Variants in GNAT3 observed in about 807,000 individuals in gnomAD.
The protein encoded by GNAT3 is G protein subunit alpha transducin 3, also known as guanine nucleotide-binding protein G(t) subunit alpha-3.
GNAT3 carries 31 observed loss-of-function variants against 37.7 expected under a neutral mutation model. The ratio of observed to expected loss-of-function variants is 0.82; its 90% CI spans 0.62 to 1.11. GNAT3 has a LOEUF of 1.11. Ranked by LOEUF, GNAT3 falls within the 50% of genes most tolerant of loss-of-function variation. The pLI is 0.00. For synonymous variants in GNAT3, 138 were observed against 139.8 expected (o/e 0.99, Z 0.09); for missense variants, 437 against 412.5 (o/e 1.06, Z -0.51).
At chr7:80,491,912 C>T (rs183054348) in intron 2 of GNAT3, among the ~76,000 whole-genome samples, 1,545 of 152,118 alleles carry the variant, frequency 0.01, 20 homozygotes, top group Non-Finnish European at 0.017. Flanking sequence ...TGTGAAAAGC[C>T]TAACAATATT....
chr7:80,500,028 C>T (rs1033781309), intron 1 of GNAT3, among the ~76,000 whole-genome samples: 2 of 152,070 alleles, frequency 1.3e-5, no homozygotes, highest in Non-Finnish European at 2.9e-5. Context: ...TCTTGTGGAA[C>T]ATGATTTTTA....
At chr7:80,489,067 G>A (rs1181466172) in intron 2 of GNAT3, among the ~76,000 whole-genome samples, 1 of 152,084 alleles carries the variant, frequency 6.6e-6, no homozygotes, top group East Asian at 1.9e-4. Flanking sequence ...TCTAGAGGAA[G>A]CGAAGTCATT....
intron 4 of GNAT3, among the ~76,000 whole-genome samples, chr7:80,476,021 T>C (rs373234264): frequency 6.6e-6 from 1 of 152,094 alleles, no homozygotes; most frequent in East Asian, 1.9e-4. Flanking sequence ...AATTTTCTAT[T>C]AATTAAGTCT....
chr7:80,472,708 A>G (rs1790240185), intron 5 of GNAT3, among the ~76,000 whole-genome samples: 1 of 152,134 alleles, frequency 6.6e-6, no homozygotes, highest in Admixed American at 6.6e-5. Flanking sequence ...GGTCCAGACA[A>G]TCTAGGACAC....
At chr7:80,487,877 T>C (rs1265294423) in intron 3 of GNAT3, 2 of 152,200 alleles carry the variant, frequency 1.3e-5, no homozygotes, top group Non-Finnish European at 2.9e-5. Flanking sequence ...ATTTGCCAAA[T>C]AATTTTATAT....
intron 1 of GNAT3, among the ~76,000 whole-genome samples, chr7:80,501,262 ATTTTATACCCTTCCCC>A (rs1254558990): frequency 6.6e-6 from 1 of 151,960 alleles, no homozygotes; most frequent in African/African-American, 2.4e-5. Flanking sequence ...GGAAGCCCGC[ATTTTATACCCTTCCCC>A]TTTCTGAATT....
At chr7:80,493,733 TCCTCCTCTTTCCTCCTCCA>T (rs1790651064) in intron 2 of GNAT3, among the ~76,000 whole-genome samples, 3 of 132,904 alleles carry the variant, frequency 2.3e-5, no homozygotes, top group Non-Finnish European at 3.3e-5. Flanking sequence ...TTCCTCCTCC[TCCTCCTCTTTCCTCCTCCA>T]CCTCTTTCCT....
intron 2 of GNAT3, among the ~76,000 whole-genome samples, chr7:80,490,843 T>G (rs1004367248): frequency 6.6e-6 from 1 of 152,172 alleles, no homozygotes; most frequent in Non-Finnish European, 1.5e-5. Context: ...GTCCATGATC[T>G]TAGCCATGAT....
intron 3 of GNAT3, among the ~76,000 whole-genome samples, chr7:80,484,460 G>A (rs1790443197): frequency 6.6e-6 from 1 of 152,002 alleles, no homozygotes; most frequent in South Asian, 2.1e-4. Context: ...AGGAATCAGT[G>A]CTTTTTGGTT....
intron 5 of GNAT3, among the ~76,000 whole-genome samples, chr7:80,467,098 T>G (rs1005052764): frequency 6.6e-6 from 1 of 152,156 alleles, no homozygotes; most frequent in Non-Finnish European, 1.5e-5. Flanking sequence ...TCACAATTAG[T>G]AAAGGATAGA....
At chr7:80,488,740 C>A (rs2116192230) in intron 2 of GNAT3, 64 bp from the exon 3 acceptor site, 1 of 1,212,874 alleles carries the variant, frequency 8.2e-7, no homozygotes, top group East Asian at 2.6e-5. Context: ...AAAGCACATC[C>A]AACTAAGTTG....
In GNAT3 at chr7:80,462,186, G is replaced by C. The variant is rs1790061258; in HGVS notation, c.847C>G (p.Leu283Val). 4 of 1,581,202 alleles carry C rather than the reference G, an allele frequency of 2.5e-6. No homozygotes were observed. Among genetic ancestry groups the C allele is most frequent in the Non-Finnish European group, 2.6e-6 (3 of 1,161,702 alleles). Reference protein sequence around the residue: ...IFQEKVTKVHLSICFPEYTGP... With the variant: ...IFQEKVTKVHVSICFPEYTGP... Reference sequence around the variant, plus strand: ...GTGTATTCTGGAAAGCAGATACTAAGATGCACCTTGGTTACCTTTTCTTGA... The same window carrying C: ...GTGTATTCTGGAAAGCAGATACTAACATGCACCTTGGTTACCTTTTCTTGA... The change falls in exon 7 of 8, where the codon CTT becomes GTT. Residue 283 changes from leucine (L) to valine (V), a missense_variant. Transcript: ENST00000398291.
chr7:80,495,291 G>A (rs994594534), intron 1 of GNAT3, among the ~76,000 whole-genome samples: 5 of 152,130 alleles, frequency 3.3e-5, no homozygotes, highest in African/African-American at 9.6e-5. Context: ...TTTTTAACTC[G>A]GAGAAATATC....
intron 5 of GNAT3, among the ~76,000 whole-genome samples, chr7:80,471,919 A>T (rs1280931566): frequency 6.6e-6 from 1 of 152,010 alleles, no homozygotes. Context: ...AAGTATAAAG[A>T]TTGTGTATGT....
At chr7:80,472,246 G>A (rs1371666363) in intron 5 of GNAT3, among the ~76,000 whole-genome samples, 1 of 152,092 alleles carries the variant, frequency 6.6e-6, no homozygotes, top group Non-Finnish European at 1.5e-5. Context: ...TGCATTTAGT[G>A]ACATCACCTT....
At chr7:80,500,813 TGTA>T (rs1474103274) in intron 1 of GNAT3, among the ~76,000 whole-genome samples, 2 of 147,086 alleles carry the variant, frequency 1.4e-5, no homozygotes, top group African/African-American at 2.7e-5. Context: ...AATTTGATAA[TGTA>T]GTAAATAATG....
Position 80,488,596 on chromosome 7 carries a change from A to T in GNAT3, c.242T>A (p.Ile81Asn). Reference protein sequence around the residue: ...AVIYSNTLQSILAIVKAMTTL... With the variant: ...AVIYSNTLQSNLAIVKAMTTL... The stretch of plus-strand genomic sequence containing the variant: ...AGTCATGGCTTTCACAATAGCTAGG[A>T]TGGATTGCAATGTATTACTGTAAAT... Residue 81 changes from isoleucine (I) to asparagine (N), a missense_variant, in exon 3 of 8, where the codon ATC becomes AAC. Transcript: ENST00000398291. 2 of 1,596,418 alleles carry T rather than the reference A, an allele frequency of 1.3e-6. No homozygotes were observed. Among genetic ancestry groups the T allele is most frequent in the South Asian group, 2.3e-5 (2 of 88,468 alleles).
At chr7:80,461,770 G>C (rs1790054292) in intron 7 of GNAT3, among the ~76,000 whole-genome samples, 1 of 151,742 alleles carries the variant, frequency 6.6e-6, no homozygotes. Context: ...AAACAACTCA[G>C]AGATTGAAGA....
intron 3 of GNAT3, among the ~76,000 whole-genome samples, chr7:80,482,811 G>A (rs1316709388): frequency 2.7e-5 from 4 of 150,740 alleles, no homozygotes; most frequent in African/African-American, 4.9e-5. Context: ...GATTACAGGC[G>A]TGAACCACCA....
Sources: gnomAD v4.1 joint callset for allele counts (sites outside exome capture counted in the v4.1 genomes callset) on GRCh38, gnomAD v4.1.1 for gene constraint, MANE v1.5 for transcripts, NCBI Gene and HGNC (gene_info 2026-07-23, HGNC 2026-07-21) for gene names.